Variants in OCA2 observed in about 807,000 individuals in gnomAD.
OCA2 encodes OCA2 melanosomal transmembrane protein, also known as P protein.
Under a neutral mutation model 100.2 loss-of-function variants are expected in OCA2, and 77 were observed. That is an observed-to-expected ratio of 0.77 (90% confidence interval 0.64 to 0.93). The LOEUF is 0.93. OCA2 is among the 40% of genes least tolerant of loss of function. The pLI, the probability that OCA2 is intolerant of heterozygous loss-of-function variation, is 0.00. For synonymous variants in OCA2, 432 were observed against 439.2 expected (o/e 0.98, Z 0.21); for missense variants, 1,062 against 1,089.1 (o/e 0.98, Z 0.35).
chr15:28,011,684 A>G (rs1322832872), intron 9 of OCA2, among the ~76,000 whole-genome samples: 2 of 151,886 alleles, frequency 1.3e-5, no homozygotes, highest in Non-Finnish European at 2.9e-5. Flanking sequence ...GGGAGGCTGA[A>G]GTGGGTGGAT....
chr15:27,958,885 C>T (rs1031143316), intron 15 of OCA2, among the ~76,000 whole-genome samples: 4 of 152,218 alleles, frequency 2.6e-5, no homozygotes, highest in Admixed American at 1.3e-4. Context: ...AAGAGCAGCT[C>T]GGGGCAGATT....
intron 19 of OCA2, among the ~76,000 whole-genome samples, chr15:27,905,025 G>A (rs200745595): frequency 3.9e-5 from 6 of 152,022 alleles, no homozygotes; most frequent in African/African-American, 9.7e-5. Context: ...TTAGCCGGGC[G>A]TGGTGGTGGG....
chr15:27,963,585 AAAATAAT>A (rs1431334825), intron 15 of OCA2, among the ~76,000 whole-genome samples: 5 of 152,176 alleles, frequency 3.3e-5, no homozygotes, highest in Non-Finnish European at 7.4e-5. Context: ...AAATGAAATA[AAAATAAT>A]AAATTAGTGA....
chr15:28,035,521 C>T (rs1409810693), intron 2 of OCA2, among the ~76,000 whole-genome samples: 2 of 152,158 alleles, frequency 1.3e-5, no homozygotes, highest in Non-Finnish European at 2.9e-5. Flanking sequence ...AAAACATTTT[C>T]CAGAGGTTGA....
At chr15:27,878,833 T>C (rs1020765056) in intron 19 of OCA2, among the ~76,000 whole-genome samples, 52 of 152,284 alleles carry the variant, frequency 3.4e-4, no homozygotes, top group African/African-American at 1.3e-3. Flanking sequence ...GTTTTTAATA[T>C]TTCAAAATAT....
chr15:27,944,631 G>C (rs563392635), intron 18 of OCA2, among the ~76,000 whole-genome samples: 42 of 152,168 alleles, frequency 2.8e-4, no homozygotes, highest in Admixed American at 2.5e-3. Flanking sequence ...TGCTCCTGTG[G>C]CTTACTCAGA....
chr15:27,823,638 A>G (rs1268230439), intron 23 of OCA2, among the ~76,000 whole-genome samples: 1 of 152,234 alleles, frequency 6.6e-6, no homozygotes, highest in Non-Finnish European at 1.5e-5. Flanking sequence ...TCTTCTAGAT[A>G]CAATCTAAAT....
chr15:27,774,728 C>T (rs1412362690), intron 23 of OCA2, among the ~76,000 whole-genome samples: 1 of 152,174 alleles, frequency 6.6e-6, no homozygotes, highest in African/African-American at 2.4e-5. Flanking sequence ...TGGGATGGGG[C>T]CCCAATCCGG....
chr15:27,776,345 C>T (rs1217679942), intron 23 of OCA2: 1 of 152,440 alleles, frequency 6.6e-6, no homozygotes, highest in Non-Finnish European at 1.5e-5. Flanking sequence ...TCCATCCCAT[C>T]TTCCCACCTC....
intron 21 of OCA2, among the ~76,000 whole-genome samples, chr15:27,868,175 G>A (rs2036398961): frequency 5.3e-5 from 8 of 152,132 alleles, no homozygotes; most frequent in Admixed American, 5.2e-4. Flanking sequence ...ATGTTTTGGG[G>A]GTTTCTAAGC....
At chr15:27,769,886 GGCCTGTGTGCAGCGCCTC>G (rs2031580700) in intron 23 of OCA2, among the ~76,000 whole-genome samples, 2 of 137,642 alleles carry the variant, frequency 1.5e-5, no homozygotes, top group African/African-American at 7.2e-5. Flanking sequence ...GCAGCGCCTC[GGCCTGTGTGCAGCGCCTC>G]GGCCTGTGCG....
intron 19 of OCA2, among the ~76,000 whole-genome samples, chr15:27,913,848 A>G (rs1595631984): frequency 6.2e-5 from 2 of 32,400 alleles, no homozygotes; most frequent in Non-Finnish European, 1.0e-4. Flanking sequence ...GGAAAGAAAG[A>G]AAGAAAGAAA....
chr15:27,980,197 G>A (rs970722384), intron 14 of OCA2, among the ~76,000 whole-genome samples: 6 of 151,724 alleles, frequency 4.0e-5, no homozygotes, highest in African/African-American at 9.7e-5. Context: ...GCACGATCTC[G>A]GCTCGCTGCA....
intron 18 of OCA2, among the ~76,000 whole-genome samples, chr15:27,944,313 T>C (rs1201448345): frequency 6.6e-6 from 1 of 152,236 alleles, no homozygotes; most frequent in East Asian, 1.9e-4. Flanking sequence ...TTCTTGGGCT[T>C]AAGGCAAGCT....
intron 23 of OCA2, among the ~76,000 whole-genome samples, chr15:27,829,035 A>G (rs1409828503): frequency 6.6e-6 from 1 of 152,198 alleles, no homozygotes; most frequent in African/African-American, 2.4e-5. Flanking sequence ...AGGCCAAGAG[A>G]AACAGCAGCT....
At position 27,905,987 on chromosome 15, in the gene OCA2, CAG is replaced by C. The variant is rs552409398; in HGVS notation, c.2079+20138_2079+20139del. Among the ~76,000 whole-genome samples, 924 of 152,214 alleles carry C rather than the reference CAG, an allele frequency of 6.1e-3. 10 individuals carry two copies. The highest frequency in any genetic ancestry group is 0.021 in the African/African-American group (872 of 41,530). On this transcript the variant is annotated intron_variant, in intron 19 of 23. Transcript: ENST00000354638. ...TTTGAAAACAGAAATGGGCAAATAA[CAG>C]GGAGAAATAAAAAGTTGATTGAACT...
chr15:28,053,930 C>T (rs1226078736), intron 2 of OCA2, among the ~76,000 whole-genome samples: 1 of 149,952 alleles, frequency 6.7e-6, no homozygotes, highest in Non-Finnish European at 1.5e-5. Context: ...GGATCCCCCA[C>T]CCTGGCTCAC....
At chr15:28,088,809 C>A (rs993633745) in intron 1 of OCA2, among the ~76,000 whole-genome samples, 3 of 152,094 alleles carry the variant, frequency 2.0e-5, no homozygotes, top group Non-Finnish European at 4.4e-5. Context: ...AGGACCAGGG[C>A]AAAATTAAAA....
At chr15:27,854,640 C>T (rs1250563747) in intron 21 of OCA2, among the ~76,000 whole-genome samples, 3 of 152,156 alleles carry the variant, frequency 2.0e-5, no homozygotes, top group Admixed American at 2.0e-4. Flanking sequence ...ATGATAAACG[C>T]GATTATCATA....
Sources: allele counts gnomAD v4.1 joint callset (sites outside exome capture counted in the v4.1 genomes callset), GRCh38; gene constraint gnomAD v4.1.1; transcripts MANE v1.5; gene names NCBI Gene and HGNC (gene_info 2026-07-23, HGNC 2026-07-21).